The following ADAM22 variants were observed in gnomAD, a reference collection of about 807,000 sequenced individuals.
ADAM22 encodes disintegrin and metalloproteinase domain-containing protein 22.
ADAM22 carries 65 observed loss-of-function variants against 144.6 expected under a neutral mutation model. That is an observed-to-expected ratio of 0.45 (90% confidence interval 0.37 to 0.55). ADAM22 has a LOEUF of 0.55. Among genes scored for constraint, ADAM22 ranks in the 20% least tolerant of loss-of-function variants. ADAM22 has a pLI of 0.00. For synonymous variants in ADAM22, 391 were observed against 412.6 expected (o/e 0.95, Z 0.63); for missense variants, 974 against 1,184.9 (o/e 0.82, Z 2.61).
In ADAM22 at chr7:87,972,665, G is replaced by A. The variant is rs534372005; in HGVS notation, c.247-5671G>A. Among the ~76,000 whole-genome samples, 241 of 152,238 alleles carry A rather than the reference G, an allele frequency of 1.6e-3. 2 individuals carry two copies. The highest frequency in any genetic ancestry group is 5.2e-3 in the African/African-American group (214 of 41,540). On this transcript the variant is annotated intron_variant, in intron 2 of 31. Coordinates refer to ENST00000413139, the MANE Select transcript of ADAM22 (RefSeq NM_001324418.2). ...AAAAGAACAAAGCCAGAGGCATCAC[G>A]CTACCTGACTTCACACTATACCTAC...
intron 10 of ADAM22, 57 bp from the exon 11 acceptor site, chr7:88,131,211 TA>T: frequency 6.7e-7 from 1 of 1,484,284 alleles, no homozygotes; most frequent in Non-Finnish European, 9.3e-7. Flanking sequence ...GTCCTGTTCA[TA>T]AACTATTTGA....
intron 7 of ADAM22, among the ~76,000 whole-genome samples, chr7:88,118,710 A>G (rs971693589): frequency 6.7e-6 from 1 of 149,764 alleles, no homozygotes; most frequent in African/African-American, 2.5e-5. Context: ...GTTTCTTTCC[A>G]GCAGAAACTT....
At chr7:87,980,942 A>G (rs1252807446) in intron 3 of ADAM22, among the ~76,000 whole-genome samples, 1 of 152,162 alleles carries the variant, frequency 6.6e-6, no homozygotes, top group Non-Finnish European at 1.5e-5. Context: ...GGACCTTTCC[A>G]GAGGTCAGCA....
At chr7:88,058,762 G>T (rs186903211) in intron 3 of ADAM22, among the ~76,000 whole-genome samples, 1 of 152,100 alleles carries the variant, frequency 6.6e-6, no homozygotes, top group African/African-American at 2.4e-5. Context: ...AAAAAAGCAG[G>T]CCTGAAAAGC....
chr7:88,073,348 G>T (rs1437026522), intron 3 of ADAM22, among the ~76,000 whole-genome samples: 4 of 152,106 alleles, frequency 2.6e-5, no homozygotes, highest in Non-Finnish European at 5.9e-5. Context: ...TCATATCAGG[G>T]TCATGAGAGG....
chr7:88,177,509 G>T (rs1438489598), intron 26 of ADAM22, among the ~76,000 whole-genome samples: 1 of 151,990 alleles, frequency 6.6e-6, no homozygotes, highest in East Asian at 1.9e-4. Context: ...ATATCAAAAA[G>T]TTATAGGTGG....
chr7:88,151,411 C>T, intron 20 of ADAM22, 91 bp downstream of exon 20: 1 of 1,416,096 alleles, frequency 7.1e-7, no homozygotes, highest in Non-Finnish European at 9.9e-7. Context: ...TTTTTGACTA[C>T]TTTATGACTG....
chr7:88,165,791 C>A, intron 23 of ADAM22, 41 bp from the exon 24 acceptor site: 1 of 1,387,756 alleles, frequency 7.2e-7, no homozygotes, highest in Non-Finnish European at 1.0e-6. Context: ...GCTTCTGTAC[C>A]AGAGAGTTGA....
At chr7:88,185,889 T>G (rs899139529) in intron 29 of ADAM22, 2 of 152,214 alleles carry the variant, frequency 1.3e-5, no homozygotes, top group Non-Finnish European at 2.9e-5. Context: ...TGGTTCCTAA[T>G]GGAAACATGA....
intron 3 of ADAM22, among the ~76,000 whole-genome samples, chr7:88,017,013 G>A (rs1346689063): frequency 6.6e-6 from 1 of 152,136 alleles, no homozygotes; most frequent in African/African-American, 2.4e-5. Flanking sequence ...AGCTTCTTGT[G>A]AAGGCTGAGG....
intron 2 of ADAM22, among the ~76,000 whole-genome samples, chr7:87,973,926 C>T (rs549954020): frequency 4.6e-5 from 7 of 151,280 alleles, no homozygotes; most frequent in South Asian, 2.1e-4. Flanking sequence ...CATCACACAC[C>T]GGGGACTGTT....
chr7:88,118,324 A>G (rs1025409639), intron 7 of ADAM22, among the ~76,000 whole-genome samples: 2 of 152,196 alleles, frequency 1.3e-5, no homozygotes, highest in Non-Finnish European at 2.9e-5. Context: ...AGAGAAATGA[A>G]CATTCTCTCC....
intron 3 of ADAM22, among the ~76,000 whole-genome samples, chr7:88,052,121 C>G (rs17150164): frequency 0.03 from 4,516 of 152,140 alleles, 236 homozygotes; most frequent in African/African-American, 0.1. Context: ...TGGGGTGTCC[C>G]TGCTATCCAC....
intron 21 of ADAM22, 96 bp downstream of exon 21, chr7:88,153,422 A>T: frequency 3.1e-6 from 3 of 972,504 alleles, no homozygotes; most frequent in Non-Finnish European, 4.7e-6. Flanking sequence ...GCATCACACA[A>T]AGTGTGCTCT....
At chr7:88,074,811 A>G (rs1343435420) in intron 3 of ADAM22, among the ~76,000 whole-genome samples, 2 of 152,212 alleles carry the variant, frequency 1.3e-5, no homozygotes, top group African/African-American at 2.4e-5. Flanking sequence ...TCTGTGCTCA[A>G]AAATGCACAT....
intron 3 of ADAM22, among the ~76,000 whole-genome samples, chr7:88,000,518 GAAGTA>G (rs1466497644): frequency 6.6e-6 from 1 of 151,980 alleles, no homozygotes; most frequent in African/African-American, 2.4e-5. Flanking sequence ...AAATAAATAT[GAAGTA>G]AAGACTAGTT....
chr7:88,043,251 C>T (rs1232211286), intron 3 of ADAM22, among the ~76,000 whole-genome samples: 2 of 151,574 alleles, frequency 1.3e-5, no homozygotes, highest in Admixed American at 6.6e-5. Flanking sequence ...TTTGGGAGGC[C>T]GAGATGGGCA....
At chr7:88,054,677 T>C (rs1484277045) in intron 3 of ADAM22, among the ~76,000 whole-genome samples, 1 of 151,304 alleles carries the variant, frequency 6.6e-6, no homozygotes, top group African/African-American at 2.4e-5. Context: ...GCTTCTATTA[T>C]GGTGCTCATC....
chr7:88,058,970 C>T (rs930002609), intron 3 of ADAM22, among the ~76,000 whole-genome samples: 1 of 152,110 alleles, frequency 6.6e-6, no homozygotes, highest in Non-Finnish European at 1.5e-5. Flanking sequence ...AAACAACCCA[C>T]GTTTCTGGAT....
Sources: gnomAD v4.1 joint callset for allele counts (sites outside exome capture counted in the v4.1 genomes callset) on GRCh38, gnomAD v4.1.1 for gene constraint, MANE v1.5 for transcripts, NCBI Gene and HGNC (gene_info 2026-07-23, HGNC 2026-07-21) for gene names.